UBE3C: variants seen among roughly 807,000 people sequenced by gnomAD.
UBE3C encodes the protein ubiquitin-protein ligase E3C.
UBE3C carries 42 observed loss-of-function variants against 129.4 expected under a neutral mutation model. The ratio of observed to expected loss-of-function variants is 0.32; its 90% CI spans 0.25 to 0.42. The LOEUF (loss-of-function observed/expected upper bound fraction) is 0.42. Ranked by LOEUF, UBE3C falls within the 10% of genes least tolerant of loss-of-function variation. UBE3C has a pLI of 1.00. For synonymous variants in UBE3C, 510 were observed against 492.4 expected, an observed-to-expected ratio of 1.04 and a Z score of -0.47; for missense variants, 1,049 against 1,319.1, an observed-to-expected ratio of 0.80 and a Z score of 3.17.
chr7:157,226,697 T>C (rs1196765093), intron 17 of UBE3C, among the ~76,000 whole-genome samples: 2 of 151,890 alleles, frequency 1.3e-5, no homozygotes, highest in East Asian at 3.9e-4. Context: ...TGACATCAGT[T>C]GTTTCCTTAC....
At chr7:157,170,208 A>G (rs1339487015) in intron 3 of UBE3C, 96 bp from the exon 4 acceptor site, 1 of 1,162,440 alleles carries the variant, frequency 8.6e-7, no homozygotes, top group Non-Finnish European at 1.1e-6. Flanking sequence ...GTCAATTTCC[A>G]CCATTCCTGT....
chr7:157,184,790 C>G (rs557595888), intron 9 of UBE3C, among the ~76,000 whole-genome samples: 1 of 152,100 alleles, frequency 6.6e-6, no homozygotes, highest in East Asian at 1.9e-4. Context: ...TCACTAGTAT[C>G]GAATGAAAGA....
At chr7:157,220,377 G>A (rs745785176) in intron 14 of UBE3C, among the ~76,000 whole-genome samples, 1 of 151,976 alleles carries the variant, frequency 6.6e-6, no homozygotes, top group Non-Finnish European at 1.5e-5. Flanking sequence ...AATTTTTAAA[G>A]TGATCTATTT....
chr7:157,250,014 G>GA (rs1010762146), intron 19 of UBE3C, among the ~76,000 whole-genome samples: 1 of 152,080 alleles, frequency 6.6e-6, no homozygotes, highest in Non-Finnish European at 1.5e-5. Context: ...AATTTGGGGG[G>GA]AAAAAATACA....
At chr7:157,182,562 G>T (rs1808695375) in intron 8 of UBE3C, among the ~76,000 whole-genome samples, 1 of 152,178 alleles carries the variant, frequency 6.6e-6, no homozygotes, top group Non-Finnish European at 1.5e-5. Flanking sequence ...TATTTTAATA[G>T]AGTTAACAGA....
intron 18 of UBE3C, among the ~76,000 whole-genome samples, chr7:157,232,095 T>C (rs929150668): frequency 7.9e-5 from 12 of 152,202 alleles, no homozygotes; most frequent in African/African-American, 2.9e-4. Context: ...TTCATCATTT[T>C]GATCTCTGCC....
intron 2 of UBE3C, among the ~76,000 whole-genome samples, chr7:157,165,026 C>T (rs967895566): frequency 1.3e-5 from 2 of 152,144 alleles, no homozygotes; most frequent in Admixed American, 1.3e-4. Flanking sequence ...TAGCAACACC[C>T]ATGGCCTCTA....
intron 6 of UBE3C, among the ~76,000 whole-genome samples, chr7:157,181,011 A>G (rs1188902143): frequency 2.0e-5 from 3 of 152,222 alleles, no homozygotes; most frequent in African/African-American, 7.2e-5. Context: ...ACCTACCAAT[A>G]TGTTCAACTC....
At chr7:157,235,115 T>C (rs28367460) in intron 18 of UBE3C, among the ~76,000 whole-genome samples, 29,389 of 152,024 alleles carry the variant, frequency 0.19, 2,996 homozygotes, top group East Asian at 0.35. Flanking sequence ...GGCTTGAACC[T>C]GGAGGCGGAG....
intron 5 of UBE3C, among the ~76,000 whole-genome samples, chr7:157,176,400 A>G (rs1400825727): frequency 6.6e-6 from 1 of 152,086 alleles, no homozygotes; most frequent in Non-Finnish European, 1.5e-5. Context: ...TCAGCCTCTC[A>G]AGTAGCTGGG....
intron 10 of UBE3C, among the ~76,000 whole-genome samples, chr7:157,187,577 G>GT (rs1178275737): frequency 1.4e-5 from 2 of 144,306 alleles, no homozygotes; most frequent in African/African-American, 2.7e-5. Context: ...GTGTGTGTTT[G>GT]TTTTTTGTTT....
intron 10 of UBE3C, among the ~76,000 whole-genome samples, chr7:157,194,631 C>T (rs539005652): frequency 2.6e-5 from 4 of 152,048 alleles, no homozygotes; most frequent in African/African-American, 9.7e-5. Flanking sequence ...GCTAGGGAGG[C>T]CTTGAAGGAA....
At chr7:157,178,643 C>T (rs745690343) in intron 5 of UBE3C, 47 bp from the exon 6 acceptor site, 9 of 1,576,596 alleles carry the variant, frequency 5.7e-6, no homozygotes, top group East Asian at 4.5e-5. Flanking sequence ...AAACTGGTGA[C>T]ATTTTGCCAT....
chr7:157,233,744 A>G (rs80080246), intron 18 of UBE3C, among the ~76,000 whole-genome samples: 3,244 of 152,338 alleles, frequency 0.021, 107 homozygotes, highest in African/African-American at 0.074. Context: ...TTGGGCATAT[A>G]CCTAGACATG....
At chr7:157,241,873 C>T (rs1796338534) in intron 18 of UBE3C, among the ~76,000 whole-genome samples, 1 of 152,126 alleles carries the variant, frequency 6.6e-6, no homozygotes, top group Non-Finnish European at 1.5e-5. Flanking sequence ...ATGGATGTGC[C>T]TTGAGAATGT....
chr7:157,161,638 G>T (rs1376243371), intron 1 of UBE3C, among the ~76,000 whole-genome samples: 1 of 151,860 alleles, frequency 6.6e-6, no homozygotes, highest in East Asian at 1.9e-4. Context: ...ATTTTTTGTG[G>T]AGATAGGGTT....
intron 18 of UBE3C, among the ~76,000 whole-genome samples, chr7:157,243,054 CA>C (rs371238850): frequency 1.9e-4 from 27 of 144,842 alleles, no homozygotes; most frequent in East Asian, 1.4e-3. Flanking sequence ...AACTCCATCT[CA>C]AAAAAAAAAG....
intron 9 of UBE3C, among the ~76,000 whole-genome samples, 167 bp from the exon 10 acceptor site, chr7:157,186,667 T>C: frequency 6.6e-6 from 1 of 152,196 alleles, no homozygotes; most frequent in Non-Finnish European, 1.5e-5. Context: ...TACTGTTGAC[T>C]GGATCCCTAG....
chr7:157,155,614 ACTATT>A (rs1342579375), intron 1 of UBE3C, among the ~76,000 whole-genome samples: 1 of 152,224 alleles, frequency 6.6e-6, no homozygotes, highest in Non-Finnish European at 1.5e-5. Flanking sequence ...TGTACGCTTT[ACTATT>A]TCAAATAAAG....
Sources: allele counts gnomAD v4.1 joint callset (sites outside exome capture counted in the v4.1 genomes callset), GRCh38; gene constraint gnomAD v4.1.1; transcripts MANE v1.5; gene names NCBI Gene and HGNC (gene_info 2026-07-23, HGNC 2026-07-21).